The following ZSCAN32 variants were observed in gnomAD, a reference collection of about 807,000 sequenced individuals.
ZSCAN32 encodes zinc finger and SCAN domain containing 32.
ZSCAN32 carries 52 observed loss-of-function variants against 47.4 expected under a neutral mutation model. That is an observed-to-expected ratio of 1.10 (90% CI 0.88 to 1.38). The LOEUF (loss-of-function observed/expected upper bound fraction) is 1.38. ZSCAN32 is among the 40% of genes most tolerant of loss of function. The pLI, the probability that ZSCAN32 is intolerant of heterozygous loss-of-function variation, is 0.00. For missense variants in ZSCAN32, 959 were observed against 846.0 expected, an observed-to-expected ratio of 1.13 and a Z score of -1.66; for synonymous variants, 346 against 305.7, an observed-to-expected ratio of 1.13 and a Z score of -1.38.
intron 5 of ZSCAN32, among the ~76,000 whole-genome samples, chr16:3,388,722 A>C (rs2032305667): frequency 6.6e-6 from 1 of 152,116 alleles, no homozygotes; most frequent in Non-Finnish European, 1.5e-5. Context: ...GGGGAATACA[A>C]GCCCTCATTC....
intron 2 of ZSCAN32, among the ~76,000 whole-genome samples, chr16:3,394,755 A>C (rs956423469): frequency 7.9e-5 from 12 of 152,096 alleles, no homozygotes; most frequent in Admixed American, 5.2e-4. Context: ...ACTCTTCCCC[A>C]GTCTCTGAGC....
chr16:3,396,946 T>G (rs942329557), intron 2 of ZSCAN32, among the ~76,000 whole-genome samples: 2 of 152,228 alleles, frequency 1.3e-5, no homozygotes, highest in African/African-American at 4.8e-5. Context: ...AGAATTTTTC[T>G]GAGTGTTTTT....
intron 2 of ZSCAN32, among the ~76,000 whole-genome samples, chr16:3,394,152 G>A (rs1217630842): frequency 3.3e-5 from 5 of 152,054 alleles, no homozygotes; most frequent in Non-Finnish European, 2.9e-5. Context: ...TGTAACCCCA[G>A]CTATTTGGGA....
In ZSCAN32 at chr16:3,393,231, T is replaced by TA. The variant is rs1567319954; in HGVS notation, c.532+417_532+418insT. 3.4e-3 allele frequency among the ~76,000 whole-genome samples: 81 copies of TA among 23,546 alleles called. 5 individuals carry two copies. The highest frequency in any genetic ancestry group is 0.018 in the Middle Eastern group (2 of 114). The allele number at this position is 23,546 out of a possible 152,430, so 15.4% of individuals were successfully genotyped here. A position where few individuals can be genotyped will look rare whatever the true frequency, so the allele number is the denominator to read the frequency against. ...ATTTATATATATATATATATATAAA[T>TA]TTATATATTTTATATATATATATAT... On this transcript the variant is annotated intron_variant, in intron 3 of 6. Transcript: ENST00000396852.
rs778787710 is a variant in ZSCAN32 at position 3,384,935 on chromosome 16, C to A, written c.758G>T (p.Gly253Val). 5.0e-6 allele frequency: 8 copies of A among 1,610,924 alleles called. No individual in the cohort carries two copies. In the Admixed American group the frequency reaches 1.0e-4, roughly 20 times the overall value. Residue 253 changes from glycine to valine, a missense_variant, in exon 6 of 7, where the codon GGT (glycine) becomes GTT (valine). By Grantham distance (109) the Gly-to-Val change is moderately radical. Coordinates refer to ENST00000396852, the MANE Select transcript of ZSCAN32 (RefSeq NM_001284527.2). ...GGTCTCTTCATAGCCCCAGGGCACA[C>A]CTGTTGCTGGGGGACAAAGAATAGG... ...RKDSHVSLAT[G>V]VPWGYEETKT... is the part of the protein sequence containing the mutation.
intron 3 of ZSCAN32, 113 bp downstream of exon 3, chr16:3,393,536 G>GT: frequency 9.3e-7 from 1 of 1,080,752 alleles, no homozygotes; most frequent in Non-Finnish European, 1.2e-6. Context: ...GTTTTTGGAT[G>GT]TATTTCAAAG....
Position 3,397,321 on chromosome 16 carries a change from C to G in ZSCAN32, c.237G>C (p.Leu79=). Residue 79 remains leucine (L), a synonymous_variant, in exon 2 of 7, where the codon CTG becomes CTC. Coordinates refer to ENST00000396852, the MANE Select transcript of ZSCAN32 (RefSeq NM_001284527.2). Reference sequence around the variant, plus strand: ...TAGTCAGAAACTGCTCCAAAACCAGCAGCTCCAGGATTTCCTCTTTTGAGT... The same window carrying G: ...TAGTCAGAAACTGCTCCAAAACCAGGAGCTCCAGGATTTCCTCTTTTGAGT... ...KTHSKEEILE[L]LVLEQFLTIL... 6.4e-7 allele frequency: 1 copy of G among 1,569,264 alleles called. No homozygotes were observed. Among genetic ancestry groups the G allele is most frequent in the Non-Finnish European group, 8.6e-7 (1 of 1,157,202 alleles).
chr16:3,398,027 G>C (rs971187456), intron 1 of ZSCAN32, among the ~76,000 whole-genome samples: 1 of 152,138 alleles, frequency 6.6e-6, no homozygotes, highest in Non-Finnish European at 1.5e-5. Context: ...AGCTAGCTTT[G>C]GGAGAAATTT....
intron 5 of ZSCAN32, among the ~76,000 whole-genome samples, chr16:3,386,059 A>C (rs1188577710): frequency 2.0e-5 from 3 of 152,244 alleles, no homozygotes; most frequent in Non-Finnish European, 1.5e-5. Context: ...ACAAAGGGCT[A>C]ATATCCAGAA....
chr16:3,395,045 T>C (rs1269761802), intron 2 of ZSCAN32, among the ~76,000 whole-genome samples: 1 of 152,218 alleles, frequency 6.6e-6, no homozygotes, highest in Non-Finnish European at 1.5e-5. Flanking sequence ...GTTTCCCCCA[T>C]GGACCGCGGG....
In ZSCAN32 at chr16:3,383,596, C is replaced by G. The variant is rs746362275; in HGVS notation, c.1350G>C (p.Glu450Asp). ...GCTCACTCTCCAAGCCTTTTTGTAG[C>G]TCAGAGTGCCAATAAACTCCTCTGG... ...RKSRGVYWHSELQKGLESEPT... is the reference protein window; with the variant it reads ...RKSRGVYWHSDLQKGLESEPT... Residue 450 changes from glutamate to aspartate, a missense_variant, in exon 7 of 7, where the codon GAG becomes GAC. Glu to Asp is a conservative substitution (Grantham distance 45). Transcript: ENST00000396852. 1.2e-6 allele frequency: 2 copies of G among 1,613,904 alleles called. No individual in the cohort carries two copies. The highest frequency in any genetic ancestry group is 4.5e-5 in the East Asian group (2 of 44,878).
intron 6 of ZSCAN32, 183 bp from the exon 7 acceptor site, chr16:3,383,894 C>G: frequency 1.3e-6 from 1 of 754,172 alleles, no homozygotes; most frequent in South Asian, 2.4e-5. Context: ...CAAATTATTA[C>G]AGGAAAATTA....
chr16:3,382,688 G>C lies in ZSCAN32; in HGVS notation c.*164C>G. 1 of 1,056,658 alleles carries C rather than the reference G, an allele frequency of 9.5e-7. No homozygotes were observed. Among genetic ancestry groups the C allele is most frequent in the Non-Finnish European group, 1.3e-6 (1 of 770,192 alleles). The allele number at this position is 1,056,658 out of a possible 1,614,324, so 65.5% of individuals were successfully genotyped here. ...TCTGGAGTCACAGGCACAGCCAGGA[G>C]AGGTCAGCGTCCTTATGCTGACTCC... is the stretch of plus-strand genomic sequence containing the variant. On this transcript the variant is annotated 3_prime_UTR_variant, in exon 7 of 7. Transcript: ENST00000396852.
Position 3,390,151 on chromosome 16 carries a change from C to T in ZSCAN32, c.628-18G>A. On this transcript the variant is annotated intron_variant, in intron 4 of 6. Coordinates refer to ENST00000396852, the MANE Select transcript of ZSCAN32 (RefSeq NM_001284527.2). ...GCTGGTCCCTGTAACAACACTGGAG[C>T]TGCTGCTACCGATAAAATAGCACCA... 2 of 1,589,032 alleles carry T rather than the reference C, an allele frequency of 1.3e-6. No homozygotes were observed. The highest frequency in any genetic ancestry group is 1.1e-5 in the South Asian group (1 of 87,524).
chr16:3,383,789 T>G (rs2031575482), intron 6 of ZSCAN32, 78 bp from the exon 7 acceptor site: 1 of 1,370,374 alleles, frequency 7.3e-7, no homozygotes, highest in Non-Finnish European at 9.7e-7. Flanking sequence ...ATAACTATAC[T>G]ACGTAGAAGA....
intron 5 of ZSCAN32, among the ~76,000 whole-genome samples, chr16:3,389,091 C>T (rs2032351997): frequency 6.6e-6 from 1 of 152,172 alleles, no homozygotes; most frequent in Non-Finnish European, 1.5e-5. Context: ...TAATACAAAT[C>T]TCAATACAGA....
At chr16:3,396,975 T>C (rs2033425693) in intron 2 of ZSCAN32, among the ~76,000 whole-genome samples, 2 of 152,224 alleles carry the variant, frequency 1.3e-5, no homozygotes. Context: ...AATTAGGGAC[T>C]TCAAATATTA....
intron 2 of ZSCAN32, among the ~76,000 whole-genome samples, chr16:3,396,341 A>C (rs1029761981): frequency 2.0e-5 from 3 of 152,054 alleles, no homozygotes; most frequent in African/African-American, 7.2e-5. Flanking sequence ...AATTTCATCT[A>C]TATCCCCCTT....
chr16:3,394,665 C>A (rs552087711), intron 2 of ZSCAN32, among the ~76,000 whole-genome samples: 1 of 152,164 alleles, frequency 6.6e-6, no homozygotes, highest in Non-Finnish European at 1.5e-5. Flanking sequence ...CCACTGCACA[C>A]AGAATAAAAT....
Sources: gnomAD v4.1 joint callset for allele counts (sites outside exome capture counted in the v4.1 genomes callset) on GRCh38, gnomAD v4.1.1 for gene constraint, MANE v1.5 for transcripts, NCBI Gene and HGNC (gene_info 2026-07-23, HGNC 2026-07-21) for gene names.